Variants in CHMP6 observed in about 807,000 individuals in gnomAD.
The protein encoded by CHMP6 is chromatin-modifying protein 6.
In CHMP6, 10 loss-of-function variants were observed where a neutral mutation model predicts 32.8. The observed-to-expected ratio is 0.30, with a 90% CI of 0.19 to 0.52. CHMP6 has a LOEUF of 0.52. Ranked by LOEUF, CHMP6 falls within the 20% of genes least tolerant of loss-of-function variation. The probability of loss-of-function intolerance (pLI) is 0.97; values close to 1 mark genes in which losing one functional copy is unlikely to be tolerated. For missense variants in CHMP6, 269 were observed against 263.8 expected (o/e 1.02, Z -0.14); for synonymous variants, 123 against 105.8 (o/e 1.16, Z -1.00).
At chr17:80,993,181 ACCC>A (rs934785869) in intron 1 of CHMP6, among the ~76,000 whole-genome samples, 19 of 152,072 alleles carry the variant, frequency 1.2e-4, no homozygotes, top group African/African-American at 4.1e-4. Flanking sequence ...GGCTGTGCAG[ACCC>A]GTGTTGCGGG....
At chr17:80,994,722 G>T in intron 2 of CHMP6, 32 bp downstream of exon 2, 1 of 1,403,302 alleles carries the variant, frequency 7.1e-7, no homozygotes, top group Non-Finnish European at 9.7e-7. Context: ...TGGGCACCCT[G>T]TCGGCTGGGG....
chr17:80,992,437 C>T (rs1013969825), intron 1 of CHMP6, among the ~76,000 whole-genome samples: 72 of 152,344 alleles, frequency 4.7e-4, no homozygotes, highest in Non-Finnish European at 2.9e-5. Context: ...TGCCCTGGGC[C>T]GGAGCCCCGG....
In CHMP6 at chr17:80,994,580, G is replaced by T; in HGVS notation, c.64-1G>T. 2 of 1,569,448 alleles carry T rather than the reference G, an allele frequency of 1.3e-6. No homozygotes were observed. The highest frequency in any genetic ancestry group is 2.3e-5 in the East Asian group (1 of 42,962). ...ACGCCAGGCCCTCTCTCTCTTGGCA[G>T]CAACTGAAGCAGCAGCGGGACAAGC... On this transcript the variant is annotated splice_acceptor_variant, in intron 1 of 7. Coordinates refer to ENST00000325167, the MANE Select transcript of CHMP6 (RefSeq NM_024591.5). LOFTEE classifies it high-confidence loss of function.
chr17:80,995,824 G>GCCCCCCGCCCTATCCCCA, intron 4 of CHMP6, 66 bp downstream of exon 4: 2 of 1,454,728 alleles, frequency 1.4e-6, no homozygotes, highest in Non-Finnish European at 1.9e-6. Context: ...CTGGGGATAG[G>GCCCCCCGCCCTATCCCCA]GCGGGGGGCT....
Position 80,998,386 on chromosome 17 carries a change from G to C in CHMP6, c.516G>C (p.Glu172Asp). The change falls in exon 7 of 8, where the codon GAG becomes GAC. Residue 172 changes from glutamate (E) to aspartate (D), a missense_variant. Glu to Asp is a conservative substitution (Grantham distance 45, BLOSUM62 2). Transcript: ENST00000325167. Reference protein sequence around the residue: ...AITQEQIELPEVPSEPLPEKI... With the variant: ...AITQEQIELPDVPSEPLPEKI... ...TGCAGGAACAAATAGAGCTGCCAGAGGTTCCCTCCGAGCCCCTTCCTGAGA... is the reference window on the plus strand; with the variant it reads ...TGCAGGAACAAATAGAGCTGCCAGACGTTCCCTCCGAGCCCCTTCCTGAGA... The C allele has an allele frequency of 6.2e-7, 1 of 1,614,228 alleles. No individual in the cohort carries two copies. The highest frequency in any genetic ancestry group is 1.6e-4 in the Middle Eastern group (1 of 6,062).
intron 4 of CHMP6, among the ~76,000 whole-genome samples, chr17:80,996,528 G>C (rs576373205): frequency 6.6e-6 from 1 of 152,316 alleles, no homozygotes; most frequent in East Asian, 1.9e-4. Flanking sequence ...CAAGTGTTTG[G>C]TGAGTACTGG....
At chr17:80,997,400 G>GTC in intron 6 of CHMP6, 59 bp downstream of exon 6, 1 of 1,434,564 alleles carries the variant, frequency 7.0e-7, no homozygotes, top group Non-Finnish European at 9.7e-7. Context: ...CCAGAGCTCA[G>GTC]ACCCCCAGGA....
intron 6 of CHMP6, among the ~76,000 whole-genome samples, chr17:80,997,957 C>G (rs1422025850): frequency 2.6e-5 from 4 of 152,268 alleles, no homozygotes; most frequent in African/African-American, 9.6e-5. Context: ...GGCAGAAGCA[C>G]CCGTGCTGGC....
intron 6 of CHMP6, 73 bp from the exon 7 acceptor site, chr17:80,998,293 C>T (rs2069656336): frequency 1.3e-6 from 2 of 1,539,534 alleles, no homozygotes; most frequent in East Asian, 2.3e-5. Context: ...GGATCCGTGT[C>T]CTCTCGGGGA....
In CHMP6 at chr17:80,991,887, T is replaced by G; in HGVS notation, c.-32T>G. 1 of 1,402,014 alleles carries G rather than the reference T, an allele frequency of 7.1e-7. No individual in the cohort carries two copies. Among genetic ancestry groups the G allele is most frequent in the Non-Finnish European group, 9.4e-7 (1 of 1,065,588 alleles). The allele number at this position is 1,402,014 out of a possible 1,614,324, so 86.8% of individuals were successfully genotyped here. ...GCGGGGCGGCGGTGGCGATTGGACT[T>G]GGTGGGTCCCGGGCCAGGGGCGGGC... On this transcript the variant is annotated 5_prime_UTR_variant, in exon 1 of 8. Coordinates refer to ENST00000325167, the MANE Select transcript of CHMP6 (RefSeq NM_024591.5).
intron 1 of CHMP6, 33 bp downstream of exon 1, chr17:80,992,014 C>A: frequency 1.5e-6 from 2 of 1,349,958 alleles, no homozygotes; most frequent in South Asian, 1.7e-5. Context: ...AGGGCTGGGG[C>A]CGGGACAGGC....
rs766929955 is a variant in CHMP6, at chr17:80,992,144, C to T, written c.63+163C>T. The stretch of plus-strand genomic sequence containing the variant: ...CCCCTCGGTCTCTCCGCCCTGCGTC[C>T]CTCCTCGCCCGCGGGGCCTCGGGCC... On this transcript the variant is annotated intron_variant, in intron 1 of 7. Coordinates refer to ENST00000325167, the MANE Select transcript of CHMP6 (RefSeq NM_024591.5). Among the ~76,000 whole-genome samples the T allele has an allele frequency of 3.0e-3, 448 of 151,554 alleles. 1 individual carries two copies. The highest frequency in any genetic ancestry group is 3.4e-3 in the Admixed American group (52 of 15,218).
chr17:80,999,261 C>T lies in CHMP6; in HGVS notation c.*108C>T, dbSNP rs977756389. 7.6e-5 allele frequency: 97 copies of T among 1,274,148 alleles called. No individual in the cohort carries two copies. Among genetic ancestry groups the T allele is most frequent in the Non-Finnish European group, 1.6e-5 (14 of 885,136 alleles). The allele number at this position is 1,274,148 out of a possible 1,614,324, so 78.9% of individuals were successfully genotyped here. A position where few individuals can be genotyped will look rare whatever the true frequency, so the allele number is the denominator to read the frequency against. On this transcript the variant is annotated 3_prime_UTR_variant, in exon 8 of 8. Transcript: ENST00000325167. ...CGGGTTCCCTGGAGCCCAGTGCGCA[C>T]GGTGCTGAGCAGAGCTGCAGCCACG...
chr17:80,997,736 C>T (rs9989483), intron 6 of CHMP6, among the ~76,000 whole-genome samples: 46,093 of 151,980 alleles, frequency 0.3, 9,459 homozygotes, highest in African/African-American at 0.59. Flanking sequence ...ATTCACTCCC[C>T]GACACAGGGG....
chr17:80,991,994 G>T lies in CHMP6; in HGVS notation c.63+13G>T. 1 of 1,415,360 alleles carries T rather than the reference G, an allele frequency of 7.1e-7. No homozygotes were observed. The highest frequency in any genetic ancestry group is 9.3e-7 in the Non-Finnish European group (1 of 1,072,602). 87.7% of individuals were successfully genotyped at this position (1,415,360 alleles called of 1,614,324 possible). A position where few individuals can be genotyped will look rare whatever the true frequency, so the allele number is the denominator to read the frequency against. ...CAAGGCCATCCTGGTGAGGGCCCGG[G>T]CCCGGGGTCAGGGCTGGGGCCGGGA... is the stretch of plus-strand genomic sequence containing the variant. On this transcript the variant is annotated intron_variant, in intron 1 of 7. Coordinates refer to ENST00000325167, the MANE Select transcript of CHMP6 (RefSeq NM_024591.5).
chr17:80,992,058 G>GC, intron 1 of CHMP6, 77 bp downstream of exon 1: 1 of 1,065,876 alleles, frequency 9.4e-7, no homozygotes, highest in Non-Finnish European at 1.2e-6. Context: ...GGCCGGAAGA[G>GC]CCCCGCGCCC....
At chr17:80,998,243 C>T in intron 6 of CHMP6, 123 bp from the exon 7 acceptor site, 1 of 1,145,202 alleles carries the variant, frequency 8.7e-7, no homozygotes, top group Non-Finnish European at 1.3e-6. Flanking sequence ...GCAGCACGTT[C>T]CTGTCCGCTT....
chr17:80,992,918 A>G (rs2144144793), intron 1 of CHMP6, among the ~76,000 whole-genome samples: 1 of 152,332 alleles, frequency 6.6e-6, no homozygotes, highest in South Asian at 2.1e-4. Flanking sequence ...TAAATGAAAG[A>G]GGGAATCTTA....
chr17:80,998,495 G>A, intron 7 of CHMP6, 75 bp downstream of exon 7: 1 of 1,611,888 alleles, frequency 6.2e-7, no homozygotes, highest in African/African-American at 1.3e-5. Context: ...GAACAAGACA[G>A]AATGCTCCCA....
Sources: gnomAD v4.1 joint callset for allele counts (sites outside exome capture counted in the v4.1 genomes callset) on GRCh38, gnomAD v4.1.1 for gene constraint, MANE v1.5 for transcripts, NCBI Gene and HGNC (gene_info 2026-07-23, HGNC 2026-07-21) for gene names.